The following NCOR1 variants were observed in gnomAD, a reference collection of about 807,000 sequenced individuals.
NCOR1 encodes protein phosphatase 1, regulatory subunit 109.
Under a neutral mutation model 288.1 loss-of-function variants are expected in NCOR1, and 63 were observed. The ratio of observed to expected loss-of-function variants is 0.22; its 90% CI spans 0.18 to 0.27. The LOEUF (loss-of-function observed/expected upper bound fraction) is 0.27, where lower values mean the gene tolerates loss of function less well. Ranked by LOEUF, NCOR1 falls within the 10% of genes least tolerant of loss-of-function variation. The pLI is 1.00. For synonymous variants in NCOR1, 1,007 were observed against 1,065.9 expected (o/e 0.94, Z 1.08); for missense variants, 2,397 against 3,019.2 (o/e 0.79, Z 4.83).
At chr17:16,107,653 C>T (rs1267533498) in intron 19 of NCOR1, among the ~76,000 whole-genome samples, 1 of 152,154 alleles carries the variant, frequency 6.6e-6, no homozygotes, top group Non-Finnish European at 1.5e-5. Context: ...CCAGGGAATA[C>T]TAGCCACCAG....
At chr17:16,158,358 A>G (rs1411449030) in intron 6 of NCOR1, among the ~76,000 whole-genome samples, 1 of 152,192 alleles carries the variant, frequency 6.6e-6, no homozygotes, top group Non-Finnish European at 1.5e-5. Context: ...TCCACATGCA[A>G]TGACCTATCT....
At chr17:16,055,936 G>A (rs900037062) in intron 40 of NCOR1, among the ~76,000 whole-genome samples, 6 of 152,144 alleles carry the variant, frequency 3.9e-5, no homozygotes, top group Non-Finnish European at 8.8e-5. Flanking sequence ...CAGTTTGGGG[G>A]TCGGGGCAAG....
chr17:16,146,141 C>T (rs1169700662), intron 10 of NCOR1, among the ~76,000 whole-genome samples: 1 of 152,012 alleles, frequency 6.6e-6, no homozygotes, highest in African/African-American at 2.4e-5. Context: ...CTCAAGTACC[C>T]AGGGACACAA....
At position 16,067,964 on chromosome 17, in the gene NCOR1, G is replaced by A. The variant is rs2152698205; in HGVS notation, c.4671C>T (p.Gly1557=). The part of the protein sequence containing the change: ...FDPHHRGSTA[G]EVYRSHLPTH... The stretch of plus-strand genomic sequence containing the variant: ...TGGGCAGGTGGCTCCGATAAACCTC[G>A]CCTGCAGTGCTGCCTCTGTGATGGG... The change falls in exon 32 of 46, where the codon GGC becomes GGT. Residue 1557 remains glycine, a synonymous_variant. Coordinates refer to ENST00000268712, the MANE Select transcript of NCOR1 (RefSeq NM_006311.4). The A allele has an allele frequency of 6.2e-7, 1 of 1,614,176 alleles. No individual in the cohort carries two copies. Among genetic ancestry groups the A allele is most frequent in the Non-Finnish European group, 8.5e-7 (1 of 1,180,026 alleles).
chr17:16,033,336 CAAAAAA>C (rs59285422), intron 45 of NCOR1, among the ~76,000 whole-genome samples: 608 of 57,456 alleles, frequency 0.011, 6 homozygotes, highest in Non-Finnish European at 0.019. Context: ...ACTCCGTCTC[CAAAAAA>C]AAAAAAAAAA....
chr17:16,110,694 A>G (rs1465464344), intron 18 of NCOR1, among the ~76,000 whole-genome samples: 1 of 152,246 alleles, frequency 6.6e-6, no homozygotes, highest in Non-Finnish European at 1.5e-5. Context: ...GACTCCTCAG[A>G]AGAGGAAAAT....
intron 18 of NCOR1, among the ~76,000 whole-genome samples, chr17:16,115,508 A>C (rs894601945): frequency 2.6e-5 from 4 of 152,224 alleles, no homozygotes; most frequent in African/African-American, 4.8e-5. Context: ...GAATGCCTTT[A>C]ACAGCACCCA....
chr17:16,076,855 A>G (rs972543624), intron 26 of NCOR1, among the ~76,000 whole-genome samples: 1 of 152,176 alleles, frequency 6.6e-6, no homozygotes, highest in African/African-American at 2.4e-5. Context: ...ACCATTACAT[A>G]TGACAAGTAT....
chr17:16,207,614 G>A (rs1237946429), intron 1 of NCOR1, among the ~76,000 whole-genome samples: 5 of 151,828 alleles, frequency 3.3e-5, no homozygotes, highest in East Asian at 3.9e-4. Flanking sequence ...GGTGGCAGAC[G>A]CCTGTAGTCC....
At position 16,064,869 on chromosome 17, in the gene NCOR1, C is replaced by A; in HGVS notation, c.5101+1G>T. ...AGAGGTGTGTAACTGTACAATCTCA[C>A]CTGGAGACATGGAAGCAGAGTTGTA... On this transcript the variant is annotated splice_donor_variant, in intron 34 of 45. Transcript: ENST00000268712. LOFTEE classifies it high-confidence loss of function. 1 of 1,607,166 alleles carries A rather than the reference C, an allele frequency of 6.2e-7. No homozygotes were observed. The highest frequency in any genetic ancestry group is 8.5e-7 in the Non-Finnish European group (1 of 1,175,760).
intron 18 of NCOR1, among the ~76,000 whole-genome samples, chr17:16,109,437 T>A (rs1007437475): frequency 2.0e-5 from 3 of 152,036 alleles, no homozygotes; most frequent in Non-Finnish European, 4.4e-5. Flanking sequence ...GAAAGCCCTA[T>A]GTAATTACAT....
intron 21 of NCOR1, among the ~76,000 whole-genome samples, chr17:16,096,017 A>C (rs554390632): frequency 3.9e-5 from 6 of 152,152 alleles, no homozygotes; most frequent in African/African-American, 7.2e-5. Context: ...CTGTTGATCT[A>C]TGACCTTACC....
intron 3 of NCOR1, among the ~76,000 whole-genome samples, chr17:16,183,183 C>T (rs887695856): frequency 2.9e-5 from 4 of 138,444 alleles, no homozygotes; most frequent in African/African-American, 1.1e-4. Flanking sequence ...CAGTGGCAAA[C>T]ACTTCTAATC....
chr17:16,167,858 T>TAA (rs2082316331), intron 4 of NCOR1, among the ~76,000 whole-genome samples: 1 of 26,472 alleles, frequency 3.8e-5, no homozygotes, highest in South Asian at 8.5e-4. Context: ...AGACTCCATC[T>TAA]CAAAAAAAAA....
At chr17:16,152,606 A>G (rs1206244284) in intron 7 of NCOR1, among the ~76,000 whole-genome samples, 1 of 152,216 alleles carries the variant, frequency 6.6e-6, no homozygotes, top group African/African-American at 2.4e-5. Context: ...TAGTGCCGCA[A>G]CAAACATACG....
At chr17:16,210,982 C>T (rs529647167) in intron 1 of NCOR1, among the ~76,000 whole-genome samples, 2 of 152,178 alleles carry the variant, frequency 1.3e-5, no homozygotes, top group African/African-American at 4.8e-5. Flanking sequence ...CCGCCCACCT[C>T]GGCCTCCCAA....
At chr17:16,058,350 T>C in intron 38 of NCOR1, 121 bp downstream of exon 38, 1 of 1,297,436 alleles carries the variant, frequency 7.7e-7, no homozygotes, top group Non-Finnish European at 1.1e-6. Flanking sequence ...AGAAGGCTCA[T>C]GTAAGATTAC....
chr17:16,069,325 C>T (rs1276253429), intron 31 of NCOR1, among the ~76,000 whole-genome samples: 2 of 152,152 alleles, frequency 1.3e-5, no homozygotes, highest in Non-Finnish European at 2.9e-5. Context: ...GGACTCACCT[C>T]CCCATCCCTA....
chr17:16,080,147 T>G, intron 25 of NCOR1, 83 bp from the exon 26 acceptor site: 1 of 1,125,932 alleles, frequency 8.9e-7, no homozygotes, highest in Non-Finnish European at 1.3e-6. Context: ...CTTGGGAGAG[T>G]ACTCAACTAA....
Sources: gnomAD v4.1 joint callset for allele counts (sites outside exome capture counted in the v4.1 genomes callset) on GRCh38, gnomAD v4.1.1 for gene constraint, MANE v1.5 for transcripts, NCBI Gene and HGNC (gene_info 2026-07-23, HGNC 2026-07-21) for gene names.